ANKMY1: variants seen among roughly 807,000 people sequenced by gnomAD.
ANKMY1 encodes the protein ankyrin repeat and MYND domain-containing protein 1.
A neutral mutation model predicts 102.0 loss-of-function variants in ANKMY1; 98 were observed. The ratio of observed to expected loss-of-function variants is 0.96; its 90% CI spans 0.82 to 1.14. ANKMY1 has a LOEUF of 1.14. Ranked by LOEUF, ANKMY1 falls within the 50% of genes most tolerant of loss-of-function variation. ANKMY1 has a pLI of 0.00. For synonymous variants in ANKMY1, 582 were observed against 559.9 expected (o/e 1.04, Z -0.56); for missense variants, 1,330 against 1,347.6 (o/e 0.99, Z 0.20).
At chr2:240,481,570 C>T (rs936250367) in intron 16 of ANKMY1, among the ~76,000 whole-genome samples, 5 of 152,158 alleles carry the variant, frequency 3.3e-5, no homozygotes, top group Non-Finnish European at 7.4e-5. Context: ...TCCTGTCCTG[C>T]ACCAGTCCCC....
At chr2:240,472,262 C>T in the ANKMY1 span, among the ~76,000 whole-genome samples, 2 of 152,000 alleles carry the variant, frequency 1.3e-5, no homozygotes, top group South Asian at 2.1e-4. Context: ...TACCAATCTA[C>T]GGCCGCACGC....
chr2:240,509,919 C>A (rs973014329), intron 11 of ANKMY1, among the ~76,000 whole-genome samples: 2 of 151,832 alleles, frequency 1.3e-5, no homozygotes, highest in Admixed American at 1.3e-4. Flanking sequence ...AGGAGGGCAG[C>A]CCCGTCCATG....
At position 240,557,340 on chromosome 2, in the gene ANKMY1, G is replaced by A. The variant is rs1303600472; in HGVS notation, c.-5C>T. ...GGAGGCATGGGCCCCTTCCATGTCT[G>A]TGGTCTTCCAACCTGCAAGCGACGT... On this transcript the variant is annotated 5_prime_UTR_variant, in exon 2 of 18. Coordinates refer to ENST00000401804, the MANE Select transcript of ANKMY1 (RefSeq NM_001282771.3). 2 of 1,536,204 alleles carry A rather than the reference G, an allele frequency of 1.3e-6. No individual in the cohort carries two copies.
chr2:240,479,355 G>A (rs2075077906), downstream of ANKMY1: 2 of 558,880 alleles, frequency 3.6e-6, no homozygotes, highest in Non-Finnish European at 3.2e-6. Context: ...AAAGCCAGGG[G>A]CAGAGGCAGG....
chr2:240,525,654 T>C (rs775391128), intron 7 of ANKMY1, 31 bp downstream of exon 7: 2 of 1,608,174 alleles, frequency 1.2e-6, no homozygotes, highest in Non-Finnish European at 1.7e-6. Context: ...CAGGAGACAG[T>C]TGGTGGTGCA....
intron 4 of ANKMY1, among the ~76,000 whole-genome samples, chr2:240,534,550 C>T (rs72998071): frequency 0.17 from 24,956 of 149,668 alleles, 2,201 homozygotes; most frequent in Middle Eastern, 0.33. Flanking sequence ...TGCAGCGAGC[C>T]GTGGTCACAC....
At chr2:240,531,194 C>T (rs2085309598) in intron 4 of ANKMY1, among the ~76,000 whole-genome samples, 1 of 152,080 alleles carries the variant, frequency 6.6e-6, no homozygotes, top group Admixed American at 6.6e-5. Flanking sequence ...AATAACATAC[C>T]ACATACACCC....
At chr2:240,508,996 G>A (rs140753908) in intron 12 of ANKMY1, among the ~76,000 whole-genome samples, 26 of 152,192 alleles carry the variant, frequency 1.7e-4, no homozygotes, top group African/African-American at 6.0e-4. Context: ...ATAGATGGAT[G>A]GATGAGAGGA....
Position 240,511,894 on chromosome 2 carries a change from C to T in ANKMY1, c.2253G>A (p.Leu751=). The T allele has an allele frequency of 6.3e-7, 1 of 1,591,122 alleles. No individual in the cohort carries two copies. The highest frequency in any genetic ancestry group is 8.5e-7 in the Non-Finnish European group (1 of 1,174,488). ...ALPEEGGRTA[L]HMACEREDDN... is the part of the protein sequence containing the mutation. Reference sequence around the variant, plus strand: ...CATCCTCCCGCTCGCAGGCCATGTGCAGAGCCGTCCTGCCCCCCTCCTCCG... The same window carrying T: ...CATCCTCCCGCTCGCAGGCCATGTGTAGAGCCGTCCTGCCCCCCTCCTCCG... The change falls in exon 11 of 18, where the codon CTG becomes CTA. Residue 751 remains leucine, a synonymous_variant. Transcript: ENST00000401804.
intron 4 of ANKMY1, among the ~76,000 whole-genome samples, chr2:240,533,043 T>C (rs4605371): frequency 0.15 from 22,530 of 152,160 alleles, 2,753 homozygotes; most frequent in East Asian, 0.68. Context: ...AGTAGCAGCA[T>C]AGAATTCAAA....
the ANKMY1 span, among the ~76,000 whole-genome samples, chr2:240,473,813 C>T: frequency 1.3e-5 from 2 of 152,282 alleles, no homozygotes; most frequent in African/African-American, 4.8e-5. Context: ...CAAAATTCAA[C>T]ATCCTGTTTC....
At position 240,529,065 on chromosome 2, in the gene ANKMY1, T is replaced by G; in HGVS notation, c.925A>C (p.Lys309Gln). The G allele has an allele frequency of 6.2e-7, 1 of 1,614,190 alleles. No homozygotes were observed. Among genetic ancestry groups the G allele is most frequent in the Non-Finnish European group, 8.5e-7 (1 of 1,180,026 alleles). ...FIINETPLLV[K>Q]IQKQTYKFRN... ...AACTTGTAAGTTTGCTTCTGGATTT[T>G]GACCAACAAAGGGGTCTCATTGATT... The change falls in exon 5 of 18, where the codon AAA becomes CAA. Residue 309 changes from lysine to glutamine, a missense_variant. Coordinates refer to ENST00000401804, the MANE Select transcript of ANKMY1 (RefSeq NM_001282771.3). The surrounding 1 kb of genome is among the most constrained non-coding windows in gnomAD (Gnocchi z 4.2).
rs34267428 is a variant in ANKMY1 at position 240,523,900 on chromosome 2, G to T, written c.1817C>A (p.Ala606Glu). Residue 606 changes from alanine (A) to glutamate (E), a missense_variant, in exon 8 of 18, where the codon GCG becomes GAG. Ala to Glu is a moderately radical substitution (Grantham distance 107). Coordinates refer to ENST00000401804, the MANE Select transcript of ANKMY1 (RefSeq NM_001282771.3). ...CAGGACCTACTCGATCATGGACAGC[G>T]CCATCCTCCGCATGGTCCCTTTGTC... ...SFDKGTMRRM[A>E]LSMIERRKRW... 4 of 1,613,192 alleles carry T rather than the reference G, an allele frequency of 2.5e-6. No individual in the cohort carries two copies. The South Asian group carries it at 4.4e-5, about 18-fold the overall frequency.
chr2:240,545,033 T>G (rs1226840996), intron 4 of ANKMY1, among the ~76,000 whole-genome samples: 1 of 152,238 alleles, frequency 6.6e-6, no homozygotes, highest in African/African-American at 2.4e-5. Flanking sequence ...TGCCTGCCTC[T>G]GTAGGCTCCA....
At chr2:240,538,359 G>A (rs2087503311) in intron 4 of ANKMY1, among the ~76,000 whole-genome samples, 1 of 152,182 alleles carries the variant, frequency 6.6e-6, no homozygotes, top group South Asian at 2.1e-4. Flanking sequence ...TGGGCTCGGG[G>A]GGCCCACACT....
At chr2:240,530,153 T>C (rs116362428) in intron 4 of ANKMY1, among the ~76,000 whole-genome samples, 2,057 of 152,168 alleles carry the variant, frequency 0.014, 44 homozygotes, top group African/African-American at 0.047. Flanking sequence ...GAAGAAAGCA[T>C]CCAGGAGGGC....
chr2:240,550,783 A>T (rs893878883), intron 4 of ANKMY1, among the ~76,000 whole-genome samples: 3 of 152,192 alleles, frequency 2.0e-5, no homozygotes, highest in African/African-American at 7.2e-5. Flanking sequence ...TGTCAACAAT[A>T]GTTAATGATT....
intron 15 of ANKMY1, among the ~76,000 whole-genome samples, chr2:240,485,440 T>C (rs1422987895): frequency 6.6e-6 from 1 of 152,218 alleles, no homozygotes; most frequent in Non-Finnish European, 1.5e-5. Context: ...AGTTCAACCA[T>C]TGTGGAAGAC....
intron 13 of ANKMY1, among the ~76,000 whole-genome samples, chr2:240,501,125 T>G (rs548994509): frequency 7.8e-4 from 119 of 151,958 alleles, no homozygotes; most frequent in Middle Eastern, 6.8e-3. Flanking sequence ...TGTGTGTGTG[T>G]GCAGGTGTGG....
Sources: allele counts gnomAD v4.1 joint callset (sites outside exome capture counted in the v4.1 genomes callset), GRCh38; gene constraint gnomAD v4.1.1; non-coding constraint Gnocchi (gnomAD v3.1); transcripts MANE v1.5; gene names NCBI Gene and HGNC (gene_info 2026-07-23, HGNC 2026-07-21).